Variants in TPPP2 observed in about 807,000 individuals in gnomAD.
The protein encoded by TPPP2 is tubulin polymerization-promoting protein family member 2.
A neutral mutation model predicts 13.0 loss-of-function variants in TPPP2; 8 were observed. The observed-to-expected ratio is 0.62, with a 90% CI of 0.36 to 1.11. TPPP2 has a LOEUF of 1.11. Ranked by LOEUF, TPPP2 falls within the 50% of genes most tolerant of loss-of-function variation. The pLI, the probability that TPPP2 is intolerant of heterozygous loss-of-function variation, is 0.02. For missense variants in TPPP2, 213 were observed against 216.9 expected (o/e 0.98, Z 0.11); for synonymous variants, 81 against 81.8 (o/e 0.99, Z 0.05).
At chr14:21,033,610 AG>A, downstream of TPPP2, 1 of 594,478 alleles carries the variant, frequency 1.7e-6, no homozygotes, top group Non-Finnish European at 3.0e-6. Context: ...GGGGGCGAAG[AG>A]GGGGTAAACA....
upstream of TPPP2, chr14:21,025,625 G>A: frequency 5.1e-6 from 5 of 985,500 alleles, no homozygotes; most frequent in Non-Finnish European, 6.0e-6. This position sits in a 1 kb window ranked among gnomAD's most constrained non-coding sequence, Gnocchi z 5.1. Flanking sequence ...GGGCACGGGG[G>A]AACGTCGAGG....
At chr14:21,032,869 A>C (rs1566489041), downstream of TPPP2, 8 of 441,852 alleles carry the variant, frequency 1.8e-5, no homozygotes, top group Non-Finnish European at 3.6e-5. Flanking sequence ...ACAGGAAGTT[A>C]CAAAAAATGG....
chr14:21,025,527 A>G, upstream of TPPP2: 10 of 985,352 alleles, frequency 1.0e-5, no homozygotes, highest in Non-Finnish European at 1.2e-5. This position sits in a 1 kb window ranked among gnomAD's most constrained non-coding sequence, Gnocchi z 5.1. Flanking sequence ...AGAGAACTAG[A>G]TTAAGAAAGG....
At chr14:21,026,256 A>G (rs1883610049), upstream of TPPP2, among the ~76,000 whole-genome samples, 2 of 152,048 alleles carry the variant, frequency 1.3e-5, no homozygotes, top group Admixed American at 6.5e-5. Flanking sequence ...GGGAATTCGA[A>G]GTTGTTTAGG....
upstream of TPPP2, chr14:21,025,341 C>G: frequency 1.0e-6 from 1 of 985,012 alleles, no homozygotes; most frequent in Non-Finnish European, 1.2e-6. This position sits in a 1 kb window ranked among gnomAD's most constrained non-coding sequence, Gnocchi z 5.1. Flanking sequence ...GCGGGGATCC[C>G]TCAGCCCTGA....
At chr14:21,033,108 G>A (rs137881630), downstream of TPPP2, 1 of 408,398 alleles carries the variant, frequency 2.4e-6, no homozygotes, top group East Asian at 7.1e-5. Flanking sequence ...AAATGCCAGT[G>A]AGCCAAGGTA....
At position 21,030,587 on chromosome 14, in the gene TPPP2, A is replaced by C; in HGVS notation, c.6A>C (p.Ala2=). 6.2e-7 allele frequency: 1 copy of C among 1,613,384 alleles called. No individual in the cohort carries two copies. Among genetic ancestry groups the C allele is most frequent in the African/African-American group, 1.3e-5 (1 of 74,944 alleles). M[A]SEAEKTFHRF... Reference sequence around the variant, plus strand: ...TCCCCGACCTCTAGCTGACCATGGCATCAGAGGCAGAAAAAACATTCCATC... The same window carrying C: ...TCCCCGACCTCTAGCTGACCATGGCCTCAGAGGCAGAAAAAACATTCCATC... Residue 2 remains alanine, a synonymous_variant, in exon 2 of 4, where the codon GCA becomes GCC. Transcript: ENST00000321760.
chr14:21,032,140 G>C lies in TPPP2; in HGVS notation c.*63G>C, dbSNP rs1884245129. The stretch of plus-strand genomic sequence containing the variant: ...TGCATGTTTAACACCAGGGAGCTTG[G>C]AAAACAATAAACATCTGTGTGTGCA... On this transcript the variant is annotated 3_prime_UTR_variant, in exon 4 of 4. Transcript: ENST00000321760. 2.0e-6 allele frequency: 3 copies of C among 1,537,864 alleles called. No homozygotes were observed. The Admixed American group carries it at 5.1e-5, about 26-fold the overall frequency.
upstream of TPPP2, among the ~76,000 whole-genome samples, chr14:21,028,184 C>T (rs1883823160): frequency 6.6e-6 from 1 of 152,096 alleles, no homozygotes; most frequent in Admixed American, 6.6e-5. Flanking sequence ...GCAATTAGGC[C>T]ATATGACCCC....
intron 1 of TPPP2, chr14:21,024,502 C>T (rs1882677566): frequency 1.0e-6 from 1 of 984,874 alleles, no homozygotes; most frequent in South Asian, 4.7e-5. Context: ...TTTTTGACAG[C>T]TCTCCAGTAA....
At chr14:21,034,449 C>T (rs1338450811), downstream of TPPP2, among the ~76,000 whole-genome samples, 1 of 152,162 alleles carries the variant, frequency 6.6e-6, no homozygotes, top group Non-Finnish European at 1.5e-5. Context: ...GATGCTTGCC[C>T]AAGGCCACCC....
chr14:21,036,226 T>A (rs1419437605), downstream of TPPP2: 1 of 456,332 alleles, frequency 2.2e-6, no homozygotes, highest in Middle Eastern at 3.3e-4. Flanking sequence ...GCACACACAC[T>A]CCAACTCCAG....
downstream of TPPP2, chr14:21,036,266 C>T (rs781072829): frequency 4.4e-6 from 2 of 456,304 alleles, no homozygotes; most frequent in South Asian, 3.1e-5. Flanking sequence ...ATCTCTTATA[C>T]AACTTCAAGA....
At chr14:21,033,611 G>C, downstream of TPPP2, 1 of 596,724 alleles carries the variant, frequency 1.7e-6, no homozygotes, top group Non-Finnish European at 3.0e-6. Context: ...GGGGCGAAGA[G>C]GGGGTAAACA....
At chr14:21,025,411 C>G (rs1883388487), upstream of TPPP2, 3 of 985,596 alleles carry the variant, frequency 3.0e-6, no homozygotes, top group African/African-American at 1.7e-5. The surrounding 1 kb of genome is among the most constrained non-coding windows in gnomAD (Gnocchi z 5.1). Context: ...TGCAATTGCA[C>G]TCTGGCTCCT....
Position 21,032,275 on chromosome 14 carries a change from T to G in TPPP2, c.*198T>G. The stretch of plus-strand genomic sequence containing the variant: ...TCCACCACACACCCTTCGCTCTGCT[T>G]AGCCTTATGCCTACCAGCCATCAGT... On this transcript the variant is annotated 3_prime_UTR_variant, in exon 4 of 4. Coordinates refer to ENST00000321760, the MANE Select transcript of TPPP2 (RefSeq NM_173846.5). 1 of 673,212 alleles carries G rather than the reference T, an allele frequency of 1.5e-6. No homozygotes were observed. The highest frequency in any genetic ancestry group is 2.7e-6 in the Non-Finnish European group (1 of 367,396). The allele number at this position is 673,212 out of a possible 1,614,324, so 41.7% of individuals were successfully genotyped here. A position where few individuals can be genotyped will look rare whatever the true frequency, so the allele number is the denominator to read the frequency against.
downstream of TPPP2, chr14:21,033,202 T>C (rs753748409): frequency 2.9e-6 from 1 of 343,262 alleles, no homozygotes; most frequent in Non-Finnish European, 5.7e-6. Flanking sequence ...AGTCCTAGGC[T>C]CCATGGTAAG....
chr14:21,032,861 AG>A (rs1294344658), downstream of TPPP2: 8 of 440,316 alleles, frequency 1.8e-5, no homozygotes, highest in Admixed American at 1.0e-4. Context: ...ATGGGTTGAC[AG>A]GAAGTTACAA....
chr14:21,031,191 ACCCTACTTCC>A, intron 3 of TPPP2, 26 bp downstream of exon 3: 1 of 1,607,932 alleles, frequency 6.2e-7, no homozygotes, highest in Non-Finnish European at 8.5e-7. Context: ...CATCCCCTTG[ACCCTACTTCC>A]CTAAATCCCC....
Sources: gnomAD v4.1 joint callset for allele counts (sites outside exome capture counted in the v4.1 genomes callset) on GRCh38, gnomAD v4.1.1 for gene constraint, Gnocchi (gnomAD v3.1) non-coding constraint, MANE v1.5 for transcripts, NCBI Gene and HGNC (gene_info 2026-07-23, HGNC 2026-07-21) for gene names.